Variants in CAPSL observed in about 807,000 individuals in gnomAD.
The protein encoded by CAPSL is calcyphosine like.
A neutral mutation model predicts 21.3 loss-of-function variants in CAPSL; 17 were observed. The observed-to-expected ratio is 0.80, with a 90% confidence interval of 0.55 to 1.20. CAPSL has a LOEUF of 1.20. Ranked by LOEUF, CAPSL falls within the 50% of genes most tolerant of loss-of-function variation. The probability of loss-of-function intolerance (pLI) is 0.00; values close to 1 mark genes in which losing one functional copy is unlikely to be tolerated. For missense variants in CAPSL, 289 were observed against 259.3 expected (o/e 1.11, Z -0.79); for synonymous variants, 102 against 89.3 (o/e 1.14, Z -0.80).
At chr5:35,921,819 C>T (rs1298365269) in intron 1 of CAPSL, among the ~76,000 whole-genome samples, 1 of 151,834 alleles carries the variant, frequency 6.6e-6, no homozygotes, top group Non-Finnish European at 1.5e-5. Context: ...CCCTCAACTC[C>T]CCCAACCCCT....
At chr5:35,930,441 T>G (rs1228274137) in intron 1 of CAPSL, among the ~76,000 whole-genome samples, 1 of 152,226 alleles carries the variant, frequency 6.6e-6, no homozygotes, top group Non-Finnish European at 1.5e-5. Context: ...CATATTTCAC[T>G]TTATTCACTG....
chr5:35,915,037 G>A lies in CAPSL; in HGVS notation c.138-4494C>T, dbSNP rs575054674. 1.4e-3 allele frequency among the ~76,000 whole-genome samples: 211 copies of A among 152,162 alleles called. 2 individuals carry two copies. The Middle Eastern group carries it at 0.021, about 15-fold the overall frequency. Reference sequence around the variant, plus strand: ...AAATGATAAAGGGGATATCACCACCGATCCCACAGAAATACAAACTACCAT... The same window carrying A: ...AAATGATAAAGGGGATATCACCACCAATCCCACAGAAATACAAACTACCAT... On this transcript the variant is annotated intron_variant, in intron 2 of 4. Transcript: ENST00000651391.
At chr5:35,908,386 C>T (rs954085848) in intron 4 of CAPSL, among the ~76,000 whole-genome samples, 1 of 152,196 alleles carries the variant, frequency 6.6e-6, no homozygotes, top group East Asian at 1.9e-4. Context: ...ACCTCAATAA[C>T]CTTTATGAGC....
intron 4 of CAPSL, among the ~76,000 whole-genome samples, chr5:35,907,837 G>C (rs1182843028): frequency 1.3e-5 from 2 of 152,176 alleles, no homozygotes; most frequent in African/African-American, 4.8e-5. Context: ...ATGCAAAATA[G>C]TGCAATTTGC....
At chr5:35,907,389 G>T (rs1010738953) in intron 4 of CAPSL, among the ~76,000 whole-genome samples, 2 of 152,102 alleles carry the variant, frequency 1.3e-5, no homozygotes, top group African/African-American at 4.8e-5. Context: ...GTCCTAAGAG[G>T]CTTTTTAAAA....
intron 4 of CAPSL, among the ~76,000 whole-genome samples, chr5:35,907,122 T>C (rs1294704873): frequency 6.6e-6 from 1 of 152,180 alleles, no homozygotes; most frequent in East Asian, 1.9e-4. Context: ...CTCCTACTTT[T>C]AGCAGGCCTC....
At chr5:35,917,010 A>C (rs1738407934) in intron 2 of CAPSL, among the ~76,000 whole-genome samples, 1 of 152,182 alleles carries the variant, frequency 6.6e-6, no homozygotes, top group Non-Finnish European at 1.5e-5. Flanking sequence ...AACTCAAACA[A>C]ATTTACAAGA....
intron 1 of CAPSL, among the ~76,000 whole-genome samples, chr5:35,937,619 G>A (rs550073266): frequency 6.6e-6 from 1 of 152,286 alleles, no homozygotes; most frequent in East Asian, 1.9e-4. Context: ...AGGTCCTTAC[G>A]AGGTAGAGCT....
intron 1 of CAPSL, among the ~76,000 whole-genome samples, chr5:35,935,890 C>G (rs547150967): frequency 6.6e-6 from 1 of 152,286 alleles, no homozygotes; most frequent in South Asian, 2.1e-4. Flanking sequence ...AGAATAATAG[C>G]TAACTTGGTT....
At chr5:35,910,136 C>A in intron 3 of CAPSL, 61 bp from the exon 4 acceptor site, 2 of 1,385,100 alleles carry the variant, frequency 1.4e-6, no homozygotes, top group Non-Finnish European at 2.0e-6. Flanking sequence ...TTTTGGTATC[C>A]TATGTGATAA....
chr5:35,912,069 C>G (rs968882397), intron 2 of CAPSL, among the ~76,000 whole-genome samples: 1 of 152,172 alleles, frequency 6.6e-6, no homozygotes, highest in Non-Finnish European at 1.5e-5. Context: ...TTATATCCTG[C>G]ACCTGGCTCG....
intron 2 of CAPSL, 51 bp downstream of exon 2, chr5:35,920,933 C>A: frequency 6.3e-7 from 1 of 1,590,794 alleles, no homozygotes; most frequent in South Asian, 1.1e-5. Context: ...CCTCACCTGG[C>A]AGAGTCATTC....
At chr5:35,911,799 G>A (rs982310062) in intron 2 of CAPSL, among the ~76,000 whole-genome samples, 14 of 152,186 alleles carry the variant, frequency 9.2e-5, no homozygotes, top group Admixed American at 5.2e-4. Flanking sequence ...CAGCGTGAGC[G>A]ATGCAGAAGA....
chr5:35,917,537 T>TA (rs1310857253), intron 2 of CAPSL, among the ~76,000 whole-genome samples: 17 of 152,174 alleles, frequency 1.1e-4, no homozygotes, highest in African/African-American at 3.9e-4. Context: ...TATGCAGCCA[T>TA]AAAAAATGAT....
chr5:35,913,512 G>A (rs1008710443), intron 2 of CAPSL, among the ~76,000 whole-genome samples: 1 of 152,126 alleles, frequency 6.6e-6, no homozygotes, highest in Non-Finnish European at 1.5e-5. Context: ...GGATCTCTCA[G>A]CAGAAACTCT....
chr5:35,937,575 T>G (rs548247725), intron 1 of CAPSL, among the ~76,000 whole-genome samples: 1 of 152,296 alleles, frequency 6.6e-6, no homozygotes, highest in East Asian at 1.9e-4. Context: ...ATGTAATTCG[T>G]TTTCGAATTA....
intron 1 of CAPSL, among the ~76,000 whole-genome samples, chr5:35,934,928 G>C (rs1331833618): frequency 6.6e-6 from 1 of 152,084 alleles, no homozygotes; most frequent in Non-Finnish European, 1.5e-5. Context: ...TTTTGCATAA[G>C]GAAACCTACC....
At chr5:35,917,675 A>G (rs1286420018) in intron 2 of CAPSL, among the ~76,000 whole-genome samples, 1 of 152,130 alleles carries the variant, frequency 6.6e-6, no homozygotes, top group Non-Finnish European at 1.5e-5. Context: ...ATGAGAACAC[A>G]TGGACACAGG....
intron 2 of CAPSL, among the ~76,000 whole-genome samples, chr5:35,913,313 A>G (rs1019966018): frequency 2.6e-5 from 4 of 152,252 alleles, no homozygotes; most frequent in Non-Finnish European, 5.9e-5. Context: ...AACTTCCCCA[A>G]TCTAGCAAGG....
Sources: allele counts gnomAD v4.1 joint callset (sites outside exome capture counted in the v4.1 genomes callset), GRCh38; gene constraint gnomAD v4.1.1; transcripts MANE v1.5; gene names NCBI Gene and HGNC (gene_info 2026-07-23, HGNC 2026-07-21).